PTPRT: variants seen among roughly 807,000 people sequenced by gnomAD.
PTPRT encodes protein tyrosine phosphatase receptor type T.
Under a neutral mutation model 176.8 loss-of-function variants are expected in PTPRT, and 56 were observed. The observed-to-expected ratio is 0.32, with a 90% CI of 0.26 to 0.40. PTPRT has a LOEUF of 0.40. Among genes scored for constraint, PTPRT ranks in the 10% least tolerant of loss-of-function variants. PTPRT has a pLI of 1.00. For synonymous variants in PTPRT, 783 were observed against 739.0 expected, an observed-to-expected ratio of 1.06 and a Z score of -0.96; for missense variants, 1,540 against 1,908.2, an observed-to-expected ratio of 0.81 and a Z score of 3.60.
At chr20:43,136,881 C>T (rs1420666862) in intron 1 of PTPRT, among the ~76,000 whole-genome samples, 1 of 152,160 alleles carries the variant, frequency 6.6e-6, no homozygotes, top group Non-Finnish European at 1.5e-5. Context: ...CAAAGGCTCC[C>T]GAGTTTATTT....
chr20:42,445,686 A>T (rs2059356043), intron 9 of PTPRT, among the ~76,000 whole-genome samples: 1 of 152,214 alleles, frequency 6.6e-6, no homozygotes. Flanking sequence ...GGTTCTCTGC[A>T]AATTATAGCC....
chr20:42,040,009 C>T, the PTPRT span, among the ~76,000 whole-genome samples: 2 of 152,026 alleles, frequency 1.3e-5, no homozygotes, highest in South Asian at 4.2e-4. Context: ...TGAGGAACCA[C>T]CATACTGTTT....
chr20:42,394,102 G>A (rs534971463), intron 9 of PTPRT, among the ~76,000 whole-genome samples: 1 of 148,592 alleles, frequency 6.7e-6, no homozygotes, highest in East Asian at 2.0e-4. Flanking sequence ...TGGTGAAAAT[G>A]TGTATCTTCC....
chr20:42,196,677 C>G (rs1297436292), intron 16 of PTPRT, among the ~76,000 whole-genome samples: 2 of 152,126 alleles, frequency 1.3e-5, no homozygotes, highest in Admixed American at 6.6e-5. Flanking sequence ...CTTGTCAACC[C>G]TGGTCTATGT....
intron 6 of PTPRT, among the ~76,000 whole-genome samples, chr20:42,739,115 C>T (rs1181985436): frequency 3.3e-5 from 5 of 152,158 alleles, no homozygotes; most frequent in Non-Finnish European, 5.9e-5. Flanking sequence ...GCTTGCTGTC[C>T]TCAATCAAAG....
At chr20:42,279,884 A>G (rs552564199) in intron 13 of PTPRT, among the ~76,000 whole-genome samples, 55 of 152,266 alleles carry the variant, frequency 3.6e-4, no homozygotes, top group African/African-American at 1.3e-3. Context: ...AAGTTGCTTC[A>G]TCACCAGAGT....
intron 7 of PTPRT, among the ~76,000 whole-genome samples, chr20:42,541,493 C>T (rs1300797691): frequency 2.8e-5 from 4 of 145,322 alleles, no homozygotes; most frequent in Non-Finnish European, 6.0e-5. Flanking sequence ...ACACTAGTAT[C>T]TAGTACTAGT....
At chr20:42,394,559 T>C (rs2058830604) in intron 9 of PTPRT, among the ~76,000 whole-genome samples, 1 of 152,190 alleles carries the variant, frequency 6.6e-6, no homozygotes, top group Non-Finnish European at 1.5e-5. Flanking sequence ...GAGTCAATCA[T>C]GATGTTTTTA....
intron 1 of PTPRT, among the ~76,000 whole-genome samples, chr20:42,912,105 G>A (rs1202344895): frequency 6.6e-6 from 1 of 151,050 alleles, no homozygotes; most frequent in African/African-American, 2.4e-5. Flanking sequence ...CAAAGGGCAA[G>A]CACAAATTAT....
chr20:42,269,970 C>T (rs1418147637), intron 13 of PTPRT, among the ~76,000 whole-genome samples: 3 of 152,274 alleles, frequency 2.0e-5, no homozygotes, highest in Admixed American at 6.5e-5. Flanking sequence ...ACTCCTTTGG[C>T]TGCACATGGG....
chr20:42,829,914 G>A (rs535348045), intron 2 of PTPRT, among the ~76,000 whole-genome samples: 19 of 152,122 alleles, frequency 1.2e-4, no homozygotes, highest in East Asian at 5.8e-4. Flanking sequence ...GTTTATTCCC[G>A]AACAGACCAA....
At chr20:42,527,122 T>C (rs2072288878) in intron 7 of PTPRT, among the ~76,000 whole-genome samples, 1 of 151,772 alleles carries the variant, frequency 6.6e-6, no homozygotes, top group African/African-American at 2.4e-5. Flanking sequence ...TGCCACTATG[T>C]CCAGCTAATT....
intron 17 of PTPRT, 29 bp downstream of exon 17, chr20:42,161,322 AG>A (rs746831236): frequency 1.2e-6 from 2 of 1,611,988 alleles, no homozygotes; most frequent in South Asian, 2.2e-5. Flanking sequence ...TGAAACTATC[AG>A]GAAGTTTCCC....
At chr20:42,381,996 A>G (rs1035018314) in intron 9 of PTPRT, among the ~76,000 whole-genome samples, 2 of 152,226 alleles carry the variant, frequency 1.3e-5, no homozygotes, top group African/African-American at 4.8e-5. Flanking sequence ...TGGGTAATAT[A>G]TCCAAGCCAT....
chr20:42,362,244 G>T (rs1446842550), intron 9 of PTPRT, among the ~76,000 whole-genome samples: 2 of 152,080 alleles, frequency 1.3e-5, no homozygotes, highest in Non-Finnish European at 1.5e-5. Flanking sequence ...TCCAGCTTCG[G>T]TGACAGAGTG....
chr20:43,023,779 T>C lies in PTPRT; in HGVS notation c.89-137847A>G, dbSNP rs181815771. Among the ~76,000 whole-genome samples the C allele has an allele frequency of 1.9e-3, 293 of 152,248 alleles. 1 individual carries two copies. Among genetic ancestry groups the C allele is most frequent in the Non-Finnish European group, 3.7e-3 (250 of 68,004 alleles). On this transcript the variant is annotated intron_variant, in intron 1 of 30. Transcript: ENST00000373187. ...TGCCCTAACCTCTCCCCATAAAAGG[T>C]AGCTTTAGAGGCTATGTCTTGTTAT...
At chr20:42,483,471 C>T (rs768202675) in intron 7 of PTPRT, among the ~76,000 whole-genome samples, 4 of 152,186 alleles carry the variant, frequency 2.6e-5, no homozygotes, top group African/African-American at 4.8e-5. Flanking sequence ...AGCCTCCACT[C>T]GTTCTTTAGG....
At position 42,236,220 on chromosome 20, in the gene PTPRT, G is replaced by T; in HGVS notation, c.2342+9C>A. ...CACGAAGCAAAGTTAACACCAGCTC[G>T]ATACTTACAAGTAATAGGAGTAGGA... On this transcript the variant is annotated intron_variant, in intron 15 of 30. Coordinates refer to ENST00000373187, the MANE Select transcript of PTPRT (RefSeq NM_007050.6). 1.3e-6 allele frequency: 2 copies of T among 1,597,676 alleles called. No individual in the cohort carries two copies. Among genetic ancestry groups the T allele is most frequent in the Non-Finnish European group, 1.7e-6 (2 of 1,166,298 alleles).
chr20:42,209,306 C>T lies in PTPRT; in HGVS notation c.2343-9918G>A, dbSNP rs371814176. Among the ~76,000 whole-genome samples the T allele has an allele frequency of 6.0e-4, 92 of 152,098 alleles. 1 individual carries two copies. The East Asian group carries it at 0.016, about 26-fold the overall frequency. Reference sequence around the variant, plus strand: ...AGAAATAACTAAGATCAGAGCAGAACTGAAGGAAATAGAGACACAAAAAAC... The same window carrying T: ...AGAAATAACTAAGATCAGAGCAGAATTGAAGGAAATAGAGACACAAAAAAC... On this transcript the variant is annotated intron_variant, in intron 15 of 30. Coordinates refer to ENST00000373187, the MANE Select transcript of PTPRT (RefSeq NM_007050.6).
Sources: allele counts gnomAD v4.1 joint callset (sites outside exome capture counted in the v4.1 genomes callset), GRCh38; gene constraint gnomAD v4.1.1; transcripts MANE v1.5; gene names NCBI Gene and HGNC (gene_info 2026-07-23, HGNC 2026-07-21).